Variants in GLIS3 observed in about 807,000 individuals in gnomAD.
GLIS3 encodes the protein GLIS family zinc finger 3.
A neutral mutation model predicts 78.6 loss-of-function variants in GLIS3; 53 were observed. The ratio of observed to expected loss-of-function variants is 0.67; its 90% CI spans 0.54 to 0.85. The LOEUF is 0.85. GLIS3 is among the 40% of genes least tolerant of loss of function. The pLI is 0.00. For missense variants in GLIS3, 1,703 were observed against 1,231.1 expected, an observed-to-expected ratio of 1.38 and a Z score of -5.74; for synonymous variants, 684 against 509.9, an observed-to-expected ratio of 1.34 and a Z score of -4.60.
chr9:3,921,675 A>G (rs1824899017), intron 6 of GLIS3, among the ~76,000 whole-genome samples: 1 of 152,186 alleles, frequency 6.6e-6, no homozygotes, highest in Non-Finnish European at 1.5e-5. Context: ...AAAAATCCAC[A>G]CAGCAAATCA....
At chr9:4,171,604 T>C (rs1212324184) in intron 2 of GLIS3, among the ~76,000 whole-genome samples, 2 of 152,246 alleles carry the variant, frequency 1.3e-5, no homozygotes, top group African/African-American at 2.4e-5. Context: ...AGGGGAGAAC[T>C]GCTTACATCA....
intron 2 of GLIS3, among the ~76,000 whole-genome samples, chr9:4,260,444 G>A (rs1457219286): frequency 2.0e-5 from 3 of 151,968 alleles, no homozygotes; most frequent in African/African-American, 7.3e-5. Context: ...GCAGGTGCCT[G>A]TAATCCCAGC....
chr9:4,390,096 T>A, the GLIS3 span, among the ~76,000 whole-genome samples: 1 of 152,176 alleles, frequency 6.6e-6, no homozygotes, highest in African/African-American at 2.4e-5. Context: ...AGAGAGACAT[T>A]TGAGGTAGAG....
At chr9:4,457,055 T>A in the GLIS3 span, among the ~76,000 whole-genome samples, 3 of 152,162 alleles carry the variant, frequency 2.0e-5, no homozygotes, top group Non-Finnish European at 4.4e-5. Context: ...CCACAAACCT[T>A]CAATTTATAA....
At chr9:4,139,690 T>G (rs73394555) in intron 2 of GLIS3, among the ~76,000 whole-genome samples, 1 of 151,962 alleles carries the variant, frequency 6.6e-6, no homozygotes, top group Non-Finnish European at 1.5e-5. Context: ...TTGGGTGGGG[T>G]TCAGGATGAA....
chr9:4,000,640 C>T (rs1821065192), intron 4 of GLIS3, among the ~76,000 whole-genome samples: 1 of 152,178 alleles, frequency 6.6e-6, no homozygotes, highest in Non-Finnish European at 1.5e-5. Context: ...TAGTGGCCCC[C>T]TGCTGCTTAC....
At chr9:4,277,568 CTTTT>C (rs1827144735) in intron 2 of GLIS3, among the ~76,000 whole-genome samples, 1 of 151,980 alleles carries the variant, frequency 6.6e-6, no homozygotes, top group Non-Finnish European at 1.5e-5. Flanking sequence ...ATTATTCTGT[CTTTT>C]TTGTCTGACC....
In GLIS3 at chr9:4,118,165, C is replaced by A; in HGVS notation, c.1313G>T (p.Gly438Val). Residue 438 changes from glycine to valine, a missense_variant, in exon 4 of 11, where the codon GGC becomes GTC. Gly to Val is a moderately radical substitution (Grantham distance 109). Coordinates refer to ENST00000381971, the MANE Select transcript of GLIS3 (RefSeq NM_001042413.2). This position sits in a 1 kb window ranked among gnomAD's most constrained non-coding sequence, Gnocchi z 4.7. ...CGCGGGGGGTAGGTCTACGGTGCTG[C>A]CCGGGAACTCCTCCAGGCGTTCGGT... Reference protein sequence around the residue: ...FKTERLEEFPGSTVDLPPAPP... With the variant: ...FKTERLEEFPVSTVDLPPAPP... 1 of 1,565,508 alleles carries A rather than the reference C, an allele frequency of 6.4e-7. No individual in the cohort carries two copies. Among genetic ancestry groups the A allele is most frequent in the Non-Finnish European group, 8.7e-7 (1 of 1,155,372 alleles).
In GLIS3 at chr9:4,286,393, G is replaced by C; in HGVS notation, c.33C>G (p.His11Gln). The change falls in exon 2 of 11, where the codon CAC (histidine) becomes CAG (glutamine). Residue 11 changes from histidine to glutamine, a missense_variant. His to Gln is a conservative substitution (Grantham distance 24, BLOSUM62 0). Coordinates refer to ENST00000381971, the MANE Select transcript of GLIS3 (RefSeq NM_001042413.2). MNGRSCSMSL[H>Q]RTSGTPQGPR... Reference sequence around the variant, plus strand: ...GCCCCTGTGGGGTTCCCGATGTCCGGTGGAGACTCATGCTGCATGATCTTC... The same window carrying C: ...GCCCCTGTGGGGTTCCCGATGTCCGCTGGAGACTCATGCTGCATGATCTTC... 6.2e-7 allele frequency: 1 copy of C among 1,614,178 alleles called. No homozygotes were observed. Among genetic ancestry groups the C allele is most frequent in the Non-Finnish European group, 8.5e-7 (1 of 1,180,038 alleles).
intron 4 of GLIS3, among the ~76,000 whole-genome samples, chr9:4,029,511 A>T (rs1365187134): frequency 6.6e-6 from 1 of 152,194 alleles, no homozygotes; most frequent in African/African-American, 2.4e-5. Context: ...GACTATGGTG[A>T]CACCGTGGTG....
At chr9:4,388,930 A>G in the GLIS3 span, among the ~76,000 whole-genome samples, 1 of 152,176 alleles carries the variant, frequency 6.6e-6, no homozygotes, top group Admixed American at 6.5e-5. Flanking sequence ...CTAAGCTCTT[A>G]GATTTTTCAA....
At chr9:4,426,286 C>G in the GLIS3 span, among the ~76,000 whole-genome samples, 1 of 152,184 alleles carries the variant, frequency 6.6e-6, no homozygotes, top group African/African-American at 2.4e-5. Flanking sequence ...GTTTTTATGA[C>G]CAACAGTGAG....
intron 2 of GLIS3, among the ~76,000 whole-genome samples, chr9:4,172,260 G>A (rs1214797638): frequency 6.6e-6 from 1 of 152,054 alleles, no homozygotes; most frequent in African/African-American, 2.4e-5. Flanking sequence ...CAGGGTAGTG[G>A]CTCAGCTCCA....
At chr9:4,200,914 T>G (rs887545547) in intron 2 of GLIS3, among the ~76,000 whole-genome samples, 2 of 152,202 alleles carry the variant, frequency 1.3e-5, no homozygotes, top group African/African-American at 4.8e-5. Flanking sequence ...ATATCCCTGA[T>G]GAACACAGAT....
At chr9:4,211,002 T>A (rs528091004) in intron 2 of GLIS3, among the ~76,000 whole-genome samples, 1 of 152,308 alleles carries the variant, frequency 6.6e-6, no homozygotes, top group Admixed American at 6.5e-5. Flanking sequence ...TGTACCACAC[T>A]CTTCTCCACT....
chr9:4,472,140 T>C, the GLIS3 span, among the ~76,000 whole-genome samples: 13 of 152,268 alleles, frequency 8.5e-5, no homozygotes, highest in Admixed American at 3.9e-4. Flanking sequence ...GAAATAGGAA[T>C]GCTTTTACAC....
chr9:3,991,667 T>C (rs1052505298), intron 4 of GLIS3, among the ~76,000 whole-genome samples: 2 of 151,188 alleles, frequency 1.3e-5, no homozygotes, highest in Admixed American at 1.3e-4. Context: ...AGTTCAGAAT[T>C]TCATTAAGTA....
chr9:4,148,353 A>C (rs1834388980), intron 2 of GLIS3, among the ~76,000 whole-genome samples: 2 of 152,070 alleles, frequency 1.3e-5, no homozygotes, highest in African/African-American at 4.8e-5. Flanking sequence ...ATCCCTGGTC[A>C]CCACATCCCC....
chr9:4,078,434 A>G (rs1217597329), intron 4 of GLIS3, among the ~76,000 whole-genome samples: 1 of 152,058 alleles, frequency 6.6e-6, no homozygotes, highest in African/African-American at 2.4e-5. Context: ...GCACTTCCAA[A>G]TCTTCTGATT....
Sources: gnomAD v4.1 joint callset for allele counts (sites outside exome capture counted in the v4.1 genomes callset) on GRCh38, gnomAD v4.1.1 for gene constraint, Gnocchi (gnomAD v3.1) non-coding constraint, MANE v1.5 for transcripts, NCBI Gene and HGNC (gene_info 2026-07-23, HGNC 2026-07-21) for gene names.